Variants in LMX1A observed in about 807,000 individuals in gnomAD.
The protein encoded by LMX1A is LIM homeobox transcription factor 1-alpha.
Under a neutral mutation model 49.1 loss-of-function variants are expected in LMX1A, and 15 were observed. That is an observed-to-expected ratio of 0.31 (90% CI 0.20 to 0.47). LMX1A has a LOEUF of 0.47. LMX1A is among the 20% of genes least tolerant of loss of function. The pLI is 1.00. For synonymous variants in LMX1A, 167 were observed against 185.7 expected, an observed-to-expected ratio of 0.90 and a Z score of 0.82; for missense variants, 372 against 475.8, an observed-to-expected ratio of 0.78 and a Z score of 2.03.
At chr1:165,297,041 T>A (rs1241231929) in intron 3 of LMX1A, among the ~76,000 whole-genome samples, 4 of 152,154 alleles carry the variant, frequency 2.6e-5, no homozygotes, top group Non-Finnish European at 5.9e-5. Context: ...TGTGTCTGTC[T>A]CCCCCAGCAG....
Position 165,231,808 on chromosome 1 carries a change from C to T in LMX1A, c.496+17600G>A, listed in dbSNP as rs933636553. 2.0e-5 allele frequency among the ~76,000 whole-genome samples: 3 copies of T among 152,056 alleles called. No individual in the cohort carries two copies. In the East Asian group the frequency reaches 5.8e-4, roughly 29 times the overall value. ...CTAAAAAAAAATCTAAATTCTAAAG[C>T]TTATAATTTGAGTATTCTAACACTT... On this transcript the variant is annotated intron_variant, in intron 4 of 8. Transcript: ENST00000342310.
intron 4 of LMX1A, among the ~76,000 whole-genome samples, chr1:165,219,973 G>A (rs528334609): frequency 2.6e-4 from 39 of 152,286 alleles, no homozygotes; most frequent in African/African-American, 8.9e-4. Flanking sequence ...GAAAATGAAT[G>A]ACACAAATGG....
At chr1:165,276,271 T>C (rs899675398) in intron 3 of LMX1A, among the ~76,000 whole-genome samples, 12 of 152,214 alleles carry the variant, frequency 7.9e-5, no homozygotes, top group African/African-American at 2.9e-4. Flanking sequence ...TCTTGAATGC[T>C]GAGACAAGCT....
intron 3 of LMX1A, among the ~76,000 whole-genome samples, chr1:165,351,987 C>A (rs1656443265): frequency 6.6e-6 from 1 of 152,116 alleles, no homozygotes; most frequent in Non-Finnish European, 1.5e-5. Context: ...TGCGCGTGCA[C>A]GCGCGCGTCC....
chr1:165,316,102 A>G (rs1400638379), intron 3 of LMX1A, among the ~76,000 whole-genome samples: 1 of 152,202 alleles, frequency 6.6e-6, no homozygotes, highest in Non-Finnish European at 1.5e-5. Flanking sequence ...GGGACATGGT[A>G]TGCAGGGGAC....
At chr1:165,351,670 C>G (rs1162689635) in intron 3 of LMX1A, among the ~76,000 whole-genome samples, 1 of 152,220 alleles carries the variant, frequency 6.6e-6, no homozygotes, top group East Asian at 1.9e-4. Flanking sequence ...AGTACTCTCT[C>G]CACATGGGGT....
intron 6 of LMX1A, chr1:165,210,486 A>G: frequency 4.9e-6 from 2 of 405,594 alleles, no homozygotes; most frequent in Non-Finnish European, 8.7e-6. Context: ...CTAGGAAAAT[A>G]CAAGCAATTT....
chr1:165,207,888 C>T (rs902086803), intron 7 of LMX1A, among the ~76,000 whole-genome samples, 175 bp downstream of exon 7: 2 of 152,186 alleles, frequency 1.3e-5, no homozygotes, highest in African/African-American at 4.8e-5. Flanking sequence ...GCCCTCAACC[C>T]TCTCACAAGT....
At chr1:165,217,962 T>C (rs1352175803) in intron 4 of LMX1A, among the ~76,000 whole-genome samples, 1 of 152,224 alleles carries the variant, frequency 6.6e-6, no homozygotes, top group Non-Finnish European at 1.5e-5. Flanking sequence ...TCATCTAAAA[T>C]GCCAGAGTTA....
At chr1:165,329,355 G>GC (rs970057064) in intron 3 of LMX1A, among the ~76,000 whole-genome samples, 1 of 152,166 alleles carries the variant, frequency 6.6e-6, no homozygotes, top group African/African-American at 2.4e-5. Flanking sequence ...GGGACAGGGA[G>GC]CCAAACCATA....
chr1:165,204,120 A>G lies in LMX1A; in HGVS notation c.989-80T>C, dbSNP rs1431003307. The G allele has an allele frequency of 6.1e-6, 9 of 1,480,480 alleles. No homozygotes were observed. The Admixed American group carries it at 8.9e-5, about 15-fold the overall frequency. 91.7% of individuals were successfully genotyped at this position (1,480,480 alleles called of 1,614,324 possible). ...GTGCTAGGATATTCAGCTGAATTCAACAAGTGTTGCCTGAGCACAGGCTCC... is the reference window on the plus strand; with the variant it reads ...GTGCTAGGATATTCAGCTGAATTCAGCAAGTGTTGCCTGAGCACAGGCTCC... On this transcript the variant is annotated intron_variant, in intron 8 of 8. Transcript: ENST00000342310.
At chr1:165,282,128 ACT>A (rs1654169611) in intron 3 of LMX1A, among the ~76,000 whole-genome samples, 1 of 152,030 alleles carries the variant, frequency 6.6e-6, no homozygotes, top group Non-Finnish European at 1.5e-5. Context: ...CCTTCTCCAC[ACT>A]CTCTGCCCAG....
chr1:165,234,121 C>T (rs1057045664), intron 4 of LMX1A, among the ~76,000 whole-genome samples: 2 of 152,134 alleles, frequency 1.3e-5, no homozygotes, highest in Non-Finnish European at 2.9e-5. Flanking sequence ...ATACAAAATC[C>T]TTCACATTTT....
At chr1:165,319,707 C>CAAA (rs1472903563) in intron 3 of LMX1A, among the ~76,000 whole-genome samples, 3 of 151,974 alleles carry the variant, frequency 2.0e-5, no homozygotes, top group African/African-American at 7.3e-5. Context: ...TATAAATAGG[C>CAAA]AAAAGGCAGA....
chr1:165,332,061 A>G (rs1477062236), intron 3 of LMX1A, among the ~76,000 whole-genome samples: 1 of 152,244 alleles, frequency 6.6e-6, no homozygotes, highest in African/African-American at 2.4e-5. Context: ...ATTAACTCTA[A>G]GTATACTGTG....
At chr1:165,260,865 G>A (rs1259011373) in intron 3 of LMX1A, among the ~76,000 whole-genome samples, 3 of 152,112 alleles carry the variant, frequency 2.0e-5, no homozygotes, top group Admixed American at 6.5e-5. Flanking sequence ...ACTGACGGGT[G>A]GAAAATATCT....
At chr1:165,266,817 G>A (rs1653638640) in intron 3 of LMX1A, among the ~76,000 whole-genome samples, 1 of 151,926 alleles carries the variant, frequency 6.6e-6, no homozygotes, top group African/African-American at 2.4e-5. Flanking sequence ...TAGCCAGGGT[G>A]GTCTCGATCT....
At chr1:165,297,931 G>A (rs993893568) in intron 3 of LMX1A, among the ~76,000 whole-genome samples, 20 of 152,220 alleles carry the variant, frequency 1.3e-4, no homozygotes, top group Non-Finnish European at 2.5e-4. Context: ...GCATCAAGCC[G>A]TGAGGCTTCA....
At chr1:165,288,886 T>G (rs1654374796) in intron 3 of LMX1A, among the ~76,000 whole-genome samples, 1 of 152,212 alleles carries the variant, frequency 6.6e-6, no homozygotes, top group African/African-American at 2.4e-5. Context: ...CTCAGAAGTC[T>G]AATTAAAATA....
Sources: allele counts gnomAD v4.1 joint callset (sites outside exome capture counted in the v4.1 genomes callset), GRCh38; gene constraint gnomAD v4.1.1; transcripts MANE v1.5; gene names NCBI Gene and HGNC (gene_info 2026-07-23, HGNC 2026-07-21).